Variants in KCTD16 observed in about 807,000 individuals in gnomAD.
KCTD16 encodes BTB/POZ domain-containing protein KCTD16.
Under a neutral mutation model 33.2 loss-of-function variants are expected in KCTD16, and 13 were observed. The observed-to-expected ratio is 0.39, with a 90% CI of 0.25 to 0.62. KCTD16 has a LOEUF of 0.62. KCTD16 is among the 20% of genes least tolerant of loss of function. KCTD16 has a pLI of 0.50. For synonymous variants in KCTD16, 197 were observed against 195.3 expected, an observed-to-expected ratio of 1.01 and a Z score of -0.07; for missense variants, 441 against 525.1, an observed-to-expected ratio of 0.84 and a Z score of 1.57.
intron 3 of KCTD16, among the ~76,000 whole-genome samples, chr5:144,299,148 A>ATATTTT (rs1751341949): frequency 7.1e-5 from 1 of 14,062 alleles, no homozygotes; most frequent in African/African-American, 2.7e-4. Context: ...ATATATATAT[A>ATATTTT]TTTTTTTTTT....
At position 144,379,404 on chromosome 5, in the gene KCTD16, A is replaced by G. The variant is rs188807590; in HGVS notation, c.833-94256A>G. Among the ~76,000 whole-genome samples, 30 of 152,326 alleles carry G rather than the reference A, an allele frequency of 2.0e-4. No homozygotes were observed. In the East Asian group the frequency reaches 5.6e-3, roughly 28 times the overall value. On this transcript the variant is annotated intron_variant, in intron 3 of 3. Coordinates refer to ENST00000512467, the MANE Select transcript of KCTD16 (RefSeq NM_020768.4). Reference sequence around the variant, plus strand: ...TTTAGAATTGTAATAAGATGAATTTAGGTGTCCTATAAATAAGCTTTGTGA... The same window carrying G: ...TTTAGAATTGTAATAAGATGAATTTGGGTGTCCTATAAATAAGCTTTGTGA...
At chr5:144,415,658 TTC>T (rs2126957180) in intron 3 of KCTD16, among the ~76,000 whole-genome samples, 1 of 152,316 alleles carries the variant, frequency 6.6e-6, no homozygotes, top group African/African-American at 2.4e-5. Flanking sequence ...TTGAGCAAAT[TTC>T]TCTCTGAGAA....
chr5:144,172,461 T>G (rs1403993191), intron 1 of KCTD16, among the ~76,000 whole-genome samples: 4 of 152,222 alleles, frequency 2.6e-5, no homozygotes, highest in Non-Finnish European at 1.5e-5. Context: ...ATACAATAAA[T>G]TATTGTTAAC....
At chr5:144,310,578 TTA>T (rs1391691323) in intron 3 of KCTD16, among the ~76,000 whole-genome samples, 4 of 130,132 alleles carry the variant, frequency 3.1e-5, no homozygotes, top group African/African-American at 9.6e-5. Flanking sequence ...ATGTAAAATA[TTA>T]TATATTTTTT....
chr5:144,337,323 A>T (rs1752515402), intron 3 of KCTD16, among the ~76,000 whole-genome samples: 1 of 152,184 alleles, frequency 6.6e-6, no homozygotes, highest in Non-Finnish European at 1.5e-5. Context: ...TTTCTAAAAT[A>T]GGTGGTACAA....
chr5:144,175,401 A>G (rs1367597486), intron 2 of KCTD16, among the ~76,000 whole-genome samples: 1 of 152,228 alleles, frequency 6.6e-6, no homozygotes, highest in Non-Finnish European at 1.5e-5. Context: ...TCTGATTAAT[A>G]TACTAATTTA....
Position 144,404,478 on chromosome 5 carries a change from G to T in KCTD16, c.833-69182G>T, listed in dbSNP as rs566504835. On this transcript the variant is annotated intron_variant, in intron 3 of 3. Transcript: ENST00000512467. ...ATATGACTTGGTTGATAAGTATCCT[G>T]GTGATGGAAAATATCCCTCAATCAT... is the stretch of plus-strand genomic sequence containing the variant. Among the ~76,000 whole-genome samples, 3 of 152,208 alleles carry T rather than the reference G, an allele frequency of 2.0e-5. No individual in the cohort carries two copies. The South Asian group carries it at 6.2e-4, about 32-fold the overall frequency.
At chr5:144,222,521 G>A (rs999548805) in intron 3 of KCTD16, among the ~76,000 whole-genome samples, 2 of 152,058 alleles carry the variant, frequency 1.3e-5, no homozygotes, top group South Asian at 2.1e-4. Context: ...CATTTATGCC[G>A]CCAACAGACA....
intron 3 of KCTD16, among the ~76,000 whole-genome samples, chr5:144,429,286 T>A (rs1236295356): frequency 6.6e-6 from 1 of 152,102 alleles, no homozygotes; most frequent in Non-Finnish European, 1.5e-5. Flanking sequence ...AGCAAAAGAT[T>A]GGGAGGATAC....
chr5:144,471,507 GGT>G (rs1332668991), intron 3 of KCTD16, among the ~76,000 whole-genome samples: 1 of 152,028 alleles, frequency 6.6e-6, no homozygotes, highest in Non-Finnish European at 1.5e-5. Context: ...GATTGTCTCT[GGT>G]TTGATGTGAT....
intron 3 of KCTD16, among the ~76,000 whole-genome samples, chr5:144,231,545 T>G (rs1754102930): frequency 6.6e-6 from 1 of 152,202 alleles, no homozygotes; most frequent in African/African-American, 2.4e-5. Flanking sequence ...ACATACCATA[T>G]GTAGAATGTA....
At chr5:144,318,992 G>A (rs970468999) in intron 3 of KCTD16, among the ~76,000 whole-genome samples, 1 of 152,082 alleles carries the variant, frequency 6.6e-6, no homozygotes, top group African/African-American at 2.4e-5. Context: ...TTAAAAATAA[G>A]ATGAGGAAAT....
At chr5:144,349,752 T>G (rs1036923044) in intron 3 of KCTD16, among the ~76,000 whole-genome samples, 1 of 152,196 alleles carries the variant, frequency 6.6e-6, no homozygotes, top group Non-Finnish European at 1.5e-5. Flanking sequence ...AAGGATTCCA[T>G]GCTGCCATCC....
intron 3 of KCTD16, among the ~76,000 whole-genome samples, chr5:144,234,603 G>A (rs998402175): frequency 6.6e-6 from 1 of 152,026 alleles, no homozygotes; most frequent in Non-Finnish European, 1.5e-5. Context: ...TCAGCTTTAT[G>A]AGGCCGGATA....
At chr5:144,328,304 A>G (rs573130109) in intron 3 of KCTD16, among the ~76,000 whole-genome samples, 1 of 152,276 alleles carries the variant, frequency 6.6e-6, no homozygotes, top group African/African-American at 2.4e-5. Flanking sequence ...GGAAAGGTGC[A>G]TATGTGGTTG....
chr5:144,410,396 T>G (rs1457137653), intron 3 of KCTD16, among the ~76,000 whole-genome samples: 1 of 152,260 alleles, frequency 6.6e-6, no homozygotes, highest in Non-Finnish European at 1.5e-5. Flanking sequence ...CTATTTCATT[T>G]GACTTTCATG....
chr5:144,316,506 G>GTTTTTTT (rs1751916840), intron 3 of KCTD16, among the ~76,000 whole-genome samples: 2 of 129,828 alleles, frequency 1.5e-5, no homozygotes, highest in Admixed American at 7.9e-5. Context: ...TTTGTTTTTT[G>GTTTTTTT]TCTTTTTTTT....
chr5:144,356,866 C>T (rs7711364), intron 3 of KCTD16, among the ~76,000 whole-genome samples: 18,835 of 152,000 alleles, frequency 0.12, 3,049 homozygotes, highest in African/African-American at 0.38. Flanking sequence ...TTCTTTTCCC[C>T]TCTCTTGTCT....
chr5:144,224,383 G>GTGT (rs1554081702), intron 3 of KCTD16, among the ~76,000 whole-genome samples: 2 of 100,348 alleles, frequency 2.0e-5, no homozygotes, highest in East Asian at 6.3e-4. Flanking sequence ...AATATAATGT[G>GTGT]TTTTTTTTTT....
Sources: allele counts gnomAD v4.1 joint callset (sites outside exome capture counted in the v4.1 genomes callset), GRCh38; gene constraint gnomAD v4.1.1; transcripts MANE v1.5; gene names NCBI Gene and HGNC (gene_info 2026-07-23, HGNC 2026-07-21).